KCNIP4: variants seen among roughly 807,000 people sequenced by gnomAD.
KCNIP4 encodes the protein Kv channel-interacting protein 4.
KCNIP4 carries 12 observed loss-of-function variants against 34.0 expected under a neutral mutation model. The ratio of observed to expected loss-of-function variants is 0.35; its 90% CI spans 0.23 to 0.57. KCNIP4 has a LOEUF of 0.57. Among genes scored for constraint, KCNIP4 ranks in the 20% least tolerant of loss-of-function variants. The pLI is 0.83. For synonymous variants in KCNIP4, 124 were observed against 102.2 expected (o/e 1.21, Z -1.29); for missense variants, 238 against 311.7 (o/e 0.76, Z 1.78).
chr4:21,339,635 T>C (rs987636628), intron 1 of KCNIP4, among the ~76,000 whole-genome samples: 1 of 151,848 alleles, frequency 6.6e-6, no homozygotes, highest in African/African-American at 2.4e-5. Context: ...TGGGGAAAAA[T>C]TGCAATTGGA....
intron 1 of KCNIP4, among the ~76,000 whole-genome samples, chr4:21,750,699 C>T (rs1210495107): frequency 6.6e-6 from 1 of 152,116 alleles, no homozygotes; most frequent in Non-Finnish European, 1.5e-5. Context: ...CATGTGATTG[C>T]CCTGAGAAGA....
At chr4:20,756,733 G>C (rs1242318147) in intron 4 of KCNIP4, among the ~76,000 whole-genome samples, 1 of 151,980 alleles carries the variant, frequency 6.6e-6, no homozygotes, top group African/African-American at 2.4e-5. Context: ...ATCCCAAAGA[G>C]ACCTTCTGAT....
intron 1 of KCNIP4, among the ~76,000 whole-genome samples, chr4:21,029,439 C>T (rs1198422441): frequency 6.6e-6 from 1 of 152,184 alleles, no homozygotes; most frequent in Non-Finnish European, 1.5e-5. Flanking sequence ...TCTCCAATGT[C>T]CCACAGCCAA....
chr4:21,122,173 AG>A (rs2109138204), intron 1 of KCNIP4, among the ~76,000 whole-genome samples: 1 of 141,438 alleles, frequency 7.1e-6, no homozygotes, highest in South Asian at 2.2e-4. Flanking sequence ...TTGCAGATCA[AG>A]TTTTTTTTTT....
chr4:21,681,139 A>G (rs1560622532), intron 1 of KCNIP4, among the ~76,000 whole-genome samples: 1 of 152,122 alleles, frequency 6.6e-6, no homozygotes, highest in Non-Finnish European at 1.5e-5. Context: ...CAGTGGCATG[A>G]TCATAGCTCC....
chr4:21,042,856 C>T (rs919537727), intron 1 of KCNIP4, among the ~76,000 whole-genome samples: 2 of 151,920 alleles, frequency 1.3e-5, no homozygotes, highest in Non-Finnish European at 2.9e-5. Flanking sequence ...CTCCATTATG[C>T]GATAATTTTC....
At chr4:20,963,621 A>C (rs1385045341) in intron 1 of KCNIP4, among the ~76,000 whole-genome samples, 1 of 152,192 alleles carries the variant, frequency 6.6e-6, no homozygotes, top group African/African-American at 2.4e-5. Flanking sequence ...GAAGAAATGC[A>C]ATAAACACAG....
chr4:21,889,519 G>T (rs1726971326), intron 1 of KCNIP4, among the ~76,000 whole-genome samples: 1 of 152,094 alleles, frequency 6.6e-6, no homozygotes, highest in Non-Finnish European at 1.5e-5. Context: ...GATCAACCAT[G>T]CAAGGCAGGA....
At chr4:21,443,568 C>T (rs1359546091) in intron 1 of KCNIP4, among the ~76,000 whole-genome samples, 1 of 152,160 alleles carries the variant, frequency 6.6e-6, no homozygotes, top group African/African-American at 2.4e-5. Flanking sequence ...CAAAGGTTTT[C>T]TGCAGAAGGA....
At chr4:21,704,541 G>T in intron 1 of KCNIP4, among the ~76,000 whole-genome samples, 1 of 152,158 alleles carries the variant, frequency 6.6e-6, no homozygotes. Flanking sequence ...ATTAGAACAT[G>T]AGCAAAAAAC....
intron 3 of KCNIP4, among the ~76,000 whole-genome samples, chr4:20,814,833 G>A (rs894916065): frequency 1.3e-5 from 2 of 152,128 alleles, no homozygotes; most frequent in African/African-American, 4.8e-5. Flanking sequence ...TCTCAGCAAT[G>A]GGCTCAGAGA....
intron 3 of KCNIP4, among the ~76,000 whole-genome samples, chr4:20,834,793 A>G (rs963664438): frequency 3.3e-5 from 5 of 152,184 alleles, no homozygotes; most frequent in African/African-American, 1.2e-4. Flanking sequence ...AGGTGCCAGA[A>G]TTTGGTTATT....
intron 1 of KCNIP4, among the ~76,000 whole-genome samples, chr4:21,294,110 C>A (rs1027135230): frequency 6.6e-6 from 1 of 152,158 alleles, no homozygotes; most frequent in Admixed American, 6.5e-5. Context: ...CATATAAATT[C>A]TTGATCATAG....
Position 21,333,221 on chromosome 4 carries a change from T to C in KCNIP4, c.62-450512A>G, listed in dbSNP as rs1715826951. 2.6e-5 allele frequency among the ~76,000 whole-genome samples: 4 copies of C among 152,192 alleles called. No homozygotes were observed. In the South Asian group the frequency reaches 8.3e-4, roughly 32 times the overall value. On this transcript the variant is annotated intron_variant, in intron 1 of 8. Transcript: ENST00000382152. ...TTTGCTTTAATAATACTTGTCTTTA[T>C]TCATGTCTTACTTGTTTTCCCTCCT... is the stretch of plus-strand genomic sequence containing the variant.
chr4:21,773,769 T>TG (rs1718989860), intron 1 of KCNIP4, among the ~76,000 whole-genome samples: 1 of 144,372 alleles, frequency 6.9e-6, no homozygotes, highest in African/African-American at 2.5e-5. Context: ...GTTTGTTTGT[T>TG]TTTGTTTTGT....
intron 1 of KCNIP4, among the ~76,000 whole-genome samples, chr4:21,933,429 A>C (rs1729686660): frequency 6.6e-6 from 1 of 152,050 alleles, no homozygotes; most frequent in Admixed American, 6.6e-5. Flanking sequence ...GTCTATCTCT[A>C]AGTGTAATTC....
intron 1 of KCNIP4, among the ~76,000 whole-genome samples, chr4:21,928,127 T>TATATATATATACAC (rs141651426): frequency 2.8e-5 from 4 of 143,920 alleles, no homozygotes; most frequent in East Asian, 2.1e-4. Context: ...TATATATATA[T>TATATATATATACAC]ACACACACAC....
intron 1 of KCNIP4, among the ~76,000 whole-genome samples, chr4:21,467,816 G>T (rs138599841): frequency 1.2e-4 from 18 of 152,248 alleles, no homozygotes; most frequent in Admixed American, 6.5e-5. Flanking sequence ...TATCAAATAG[G>T]TATGCTGCTT....
chr4:20,935,813 A>G (rs565548623), intron 1 of KCNIP4, among the ~76,000 whole-genome samples: 136 of 152,258 alleles, frequency 8.9e-4, no homozygotes, highest in Non-Finnish European at 1.4e-3. Flanking sequence ...TTCTTCTCCT[A>G]CTACATCTAT....
Sources: gnomAD v4.1 joint callset for allele counts (sites outside exome capture counted in the v4.1 genomes callset) on GRCh38, gnomAD v4.1.1 for gene constraint, MANE v1.5 for transcripts, NCBI Gene and HGNC (gene_info 2026-07-23, HGNC 2026-07-21) for gene names.